The following HHLA2 variants were observed in gnomAD, a reference collection of about 807,000 sequenced individuals.
The protein encoded by HHLA2 is HERV-H LTR-associating protein 2.
In HHLA2, 48 loss-of-function variants were observed where a neutral mutation model predicts 45.9. The observed-to-expected ratio is 1.05, with a 90% confidence interval of 0.83 to 1.33. The LOEUF (loss-of-function observed/expected upper bound fraction) is 1.33, where lower values mean the gene tolerates loss of function less well. Ranked by LOEUF, HHLA2 falls within the 40% of genes most tolerant of loss-of-function variation. The probability of loss-of-function intolerance (pLI) is 0.00; values close to 1 mark genes in which losing one functional copy is unlikely to be tolerated. For missense variants in HHLA2, 462 were observed against 494.3 expected (o/e 0.93, Z 0.62); for synonymous variants, 161 against 173.9 (o/e 0.93, Z 0.59).
intron 2 of HHLA2, among the ~76,000 whole-genome samples, chr3:108,318,895 A>G (rs900925194): frequency 2.6e-5 from 4 of 152,180 alleles, no homozygotes; most frequent in Non-Finnish European, 4.4e-5. Flanking sequence ...CTCTTTGTCA[A>G]CATTGGTTAT....
In HHLA2 at chr3:108,351,786, A is replaced by G. The variant is rs755661009; in HGVS notation, c.-26-2A>G. The G allele has an allele frequency of 1.2e-6, 2 of 1,603,010 alleles. No homozygotes were observed. Among genetic ancestry groups the G allele is most frequent in the Non-Finnish European group, 8.5e-7 (1 of 1,171,564 alleles). ...CATGTGCACTTTACTTCTCTTTGAT[A>G]GCATGACTAATATGTTCTGCACAAG... On this transcript the variant is annotated splice_acceptor_variant, in intron 3 of 10. Transcript: ENST00000619531. LOFTEE classifies it low-confidence loss of function (5UTR_SPLICE).
intron 3 of HHLA2, chr3:108,328,420 C>A: frequency 2.1e-6 from 2 of 948,430 alleles, no homozygotes; most frequent in Non-Finnish European, 1.5e-6. Flanking sequence ...ACTGCATGAC[C>A]AGGAAACATT....
intron 3 of HHLA2, among the ~76,000 whole-genome samples, chr3:108,339,183 C>G (rs2081524147): frequency 6.6e-6 from 1 of 152,216 alleles, no homozygotes; most frequent in Non-Finnish European, 1.5e-5. Flanking sequence ...GTTTTACAAT[C>G]ACTATCAACC....
intron 1 of HHLA2, among the ~76,000 whole-genome samples, chr3:108,300,567 G>A (rs1302379071): frequency 6.6e-6 from 1 of 152,164 alleles, no homozygotes; most frequent in Non-Finnish European, 1.5e-5. Flanking sequence ...CGCTGGTGAA[G>A]CTCCAGTTCT....
intron 2 of HHLA2, among the ~76,000 whole-genome samples, chr3:108,327,848 T>C (rs953523278): frequency 6.6e-6 from 1 of 152,198 alleles, no homozygotes; most frequent in African/African-American, 2.4e-5. Flanking sequence ...AAAAATGTTG[T>C]AGAGGCTGGG....
intron 8 of HHLA2, among the ~76,000 whole-genome samples, chr3:108,369,084 C>A (rs1310880439): frequency 1.3e-5 from 2 of 152,186 alleles, no homozygotes; most frequent in African/African-American, 2.4e-5. Context: ...CAGAACCACA[C>A]AACTACAAGG....
At chr3:108,346,573 A>C (rs9836643) in intron 3 of HHLA2, among the ~76,000 whole-genome samples, 102,922 of 152,132 alleles carry the variant, frequency 0.68, 35,707 homozygotes, top group African/African-American at 0.77. Context: ...AAACATTCTT[A>C]TGTTTCAAAA....
intron 1 of HHLA2, among the ~76,000 whole-genome samples, chr3:108,297,961 CT>C (rs1411814361): frequency 2.0e-5 from 3 of 152,206 alleles, no homozygotes; most frequent in African/African-American, 7.2e-5. Context: ...TTCCCAGAGA[CT>C]TGCCTAGGAG....
intron 8 of HHLA2, among the ~76,000 whole-genome samples, chr3:108,369,094 G>C (rs577066664): frequency 7.9e-5 from 12 of 152,266 alleles, no homozygotes; most frequent in Non-Finnish European, 1.3e-4. Flanking sequence ...CAACTACAAG[G>C]ACACTGAACA....
intron 2 of HHLA2, 32 bp downstream of exon 2, chr3:108,310,773 T>C (rs997046990): frequency 2.0e-5 from 3 of 152,632 alleles, no homozygotes; most frequent in Admixed American, 6.5e-5. Context: ...TTTTACTCTA[T>C]GTGTATAAAT....
intron 2 of HHLA2, chr3:108,326,315 C>T (rs1286326588): frequency 6.5e-6 from 1 of 154,940 alleles, no homozygotes; most frequent in Non-Finnish European, 1.4e-5. Context: ...ACTTACAGTT[C>T]CACGTGGCTG....
At chr3:108,348,547 G>C (rs1286976396) in intron 3 of HHLA2, among the ~76,000 whole-genome samples, 1 of 152,098 alleles carries the variant, frequency 6.6e-6, no homozygotes, top group African/African-American at 2.4e-5. Flanking sequence ...ATGTTTCTAA[G>C]ATGGGTGATT....
chr3:108,330,275 C>G (rs1576126978), intron 3 of HHLA2, among the ~76,000 whole-genome samples: 1 of 152,112 alleles, frequency 6.6e-6, no homozygotes, highest in African/African-American at 2.4e-5. Context: ...AGTCTGGATA[C>G]CAGGAAGTGA....
chr3:108,358,075 A>G lies in HHLA2; in HGVS notation c.917A>G (p.Asp306Gly), dbSNP rs369072494. Residue 306 changes from aspartate (D) to glycine (G), a missense_variant, in exon 7 of 11, where the codon GAT (aspartate) becomes GGT (glycine). Transcript: ENST00000619531. ...AGTGACTTCTCTATGAATTTGATGG[A>G]TCTTAATCTTTCAGACAGTGGGGAA... The G allele has an allele frequency of 5.0e-6, 8 of 1,613,624 alleles. No homozygotes were observed. In the African/African-American group the frequency reaches 8.0e-5, roughly 16 times the overall value.
intron 2 of HHLA2, among the ~76,000 whole-genome samples, chr3:108,315,084 T>A (rs187620882): frequency 3.9e-5 from 6 of 152,210 alleles, no homozygotes; most frequent in African/African-American, 1.4e-4. Context: ...AATGGTGCTT[T>A]TGTACCCACG....
At chr3:108,314,160 C>A (rs1357567755) in intron 2 of HHLA2, among the ~76,000 whole-genome samples, 1 of 152,006 alleles carries the variant, frequency 6.6e-6, no homozygotes, top group Non-Finnish European at 1.5e-5. Context: ...CAAACACTAG[C>A]AAGCTGGCAA....
intron 3 of HHLA2, among the ~76,000 whole-genome samples, chr3:108,333,189 CT>C (rs1274099333): frequency 6.6e-6 from 1 of 152,126 alleles, no homozygotes; most frequent in African/African-American, 2.4e-5. Context: ...AGAATGGAGG[CT>C]GATGAAGCAT....
At chr3:108,305,152 C>T (rs1484085234) in intron 1 of HHLA2, among the ~76,000 whole-genome samples, 2 of 152,064 alleles carry the variant, frequency 1.3e-5, no homozygotes, top group African/African-American at 2.4e-5. Context: ...CTCTAATCTG[C>T]TTAATATGCT....
intron 1 of HHLA2, among the ~76,000 whole-genome samples, chr3:108,309,551 G>A (rs892908468): frequency 1.3e-5 from 2 of 151,998 alleles, no homozygotes; most frequent in African/African-American, 4.8e-5. Flanking sequence ...TTGTGACCTT[G>A]ACAGTTTTGA....
Sources: allele counts gnomAD v4.1 joint callset (sites outside exome capture counted in the v4.1 genomes callset), GRCh38; gene constraint gnomAD v4.1.1; transcripts MANE v1.5; gene names NCBI Gene and HGNC (gene_info 2026-07-23, HGNC 2026-07-21).